Variants in KCNK2 observed in about 807,000 individuals in gnomAD.
KCNK2 encodes the protein potassium channel subfamily K member 2.
KCNK2 carries 21 observed loss-of-function variants against 40.5 expected under a neutral mutation model. The observed-to-expected ratio is 0.52, with a 90% CI of 0.37 to 0.75. The LOEUF is 0.75. KCNK2 is among the 30% of genes least tolerant of loss of function. The probability of loss-of-function intolerance (pLI) is 0.00; values close to 1 mark genes in which losing one functional copy is unlikely to be tolerated. For missense variants in KCNK2, 399 were observed against 531.6 expected (o/e 0.75, Z 2.45); for synonymous variants, 191 against 202.2 (o/e 0.94, Z 0.47).
chr1:215,130,741 G>A (rs1324483336), intron 3 of KCNK2, among the ~76,000 whole-genome samples: 1 of 152,178 alleles, frequency 6.6e-6, no homozygotes, highest in Non-Finnish European at 1.5e-5. Flanking sequence ...GCAGTGAGGA[G>A]GGTGAAAGGT....
chr1:215,111,432 A>G (rs940348305), intron 2 of KCNK2, among the ~76,000 whole-genome samples: 2 of 151,922 alleles, frequency 1.3e-5, no homozygotes, highest in African/African-American at 4.8e-5. Context: ...GGCTTTCTTT[A>G]CTCTTTTAAA....
chr1:215,082,829 C>G lies in KCNK2; in HGVS notation c.-557C>G, dbSNP rs938190633. Among the ~76,000 whole-genome samples the G allele has an allele frequency of 6.6e-6, 1 of 152,044 alleles. No homozygotes were observed. Among genetic ancestry groups the G allele is most frequent in the African/African-American group, 2.4e-5 (1 of 41,440 alleles). On this transcript the variant is annotated 5_prime_UTR_variant, in exon 1 of 7. Coordinates refer to ENST00000444842, the MANE Select transcript of KCNK2 (RefSeq NM_001017425.3). ...GGGCGCCCGGACCGTGCCACACACC[C>G]CCCGCGGGGCACGGAGGGCATTGCG...
At chr1:215,192,334 A>G (rs1664700409) in intron 5 of KCNK2, among the ~76,000 whole-genome samples, 1 of 152,072 alleles carries the variant, frequency 6.6e-6, no homozygotes, top group African/African-American at 2.4e-5. Context: ...AAGGAAAAGC[A>G]TTTTTTTCCC....
intron 6 of KCNK2, among the ~76,000 whole-genome samples, chr1:215,230,524 TATATATATGTATATATATAC>T (rs1666603772): frequency 1.1e-5 from 1 of 89,632 alleles, no homozygotes; most frequent in African/African-American, 5.6e-5. Flanking sequence ...TATATATATA[TATATATATGTATATATATAC>T]ACACACATAA....
chr1:215,059,675 C>T (rs1658302898), intron 1 of KCNK2, among the ~76,000 whole-genome samples: 1 of 151,922 alleles, frequency 6.6e-6, no homozygotes, highest in South Asian at 2.1e-4. Flanking sequence ...AAGGCCTGGC[C>T]CAACTAGATC....
chr1:215,235,162 C>A lies in KCNK2; in HGVS notation c.*17C>A. On this transcript the variant is annotated 3_prime_UTR_variant, in exon 7 of 7. Coordinates refer to ENST00000444842, the MANE Select transcript of KCNK2 (RefSeq NM_001017425.3). ...ATCAAATAGCCCTCTCTTTAAATAACCTTAGGCATAGCCATAGGTGAGGAC... is the reference window on the plus strand; with the variant it reads ...ATCAAATAGCCCTCTCTTTAAATAAACTTAGGCATAGCCATAGGTGAGGAC... The A allele has an allele frequency of 6.3e-7, 1 of 1,582,164 alleles. No homozygotes were observed. Among genetic ancestry groups the A allele is most frequent in the Non-Finnish European group, 8.6e-7 (1 of 1,157,800 alleles).
At chr1:215,095,627 T>A (rs554909434) in intron 2 of KCNK2, among the ~76,000 whole-genome samples, 2 of 152,186 alleles carry the variant, frequency 1.3e-5, no homozygotes. Context: ...AATGGCCTCT[T>A]TAGAAGCGAT....
chr1:215,182,954 G>A (rs548069231), intron 5 of KCNK2, among the ~76,000 whole-genome samples: 2 of 152,194 alleles, frequency 1.3e-5, no homozygotes, highest in African/African-American at 2.4e-5. Flanking sequence ...AGTCACAGAG[G>A]GAGGCTATCT....
chr1:215,121,490 G>T (rs1391194782), intron 2 of KCNK2, among the ~76,000 whole-genome samples: 1 of 152,040 alleles, frequency 6.6e-6, no homozygotes, highest in East Asian at 1.9e-4. Context: ...GCCCAGGCTG[G>T]TCTCCAACTC....
intron 3 of KCNK2, among the ~76,000 whole-genome samples, chr1:215,142,174 T>A (rs1465919468): frequency 1.3e-5 from 2 of 152,294 alleles, no homozygotes; most frequent in East Asian, 3.9e-4. Flanking sequence ...TTTACTCATC[T>A]CTTTTCCTAA....
At chr1:215,100,406 G>A (rs1194574401) in intron 2 of KCNK2, among the ~76,000 whole-genome samples, 1 of 151,918 alleles carries the variant, frequency 6.6e-6, no homozygotes, top group Non-Finnish European at 1.5e-5. Context: ...GCCATAGAGA[G>A]GCTTACAAAT....
chr1:215,028,738 T>C (rs1657083242), intron 1 of KCNK2, among the ~76,000 whole-genome samples: 1 of 152,166 alleles, frequency 6.6e-6, no homozygotes, highest in Admixed American at 6.5e-5. Flanking sequence ...GTGACTTATA[T>C]CTCATTAAGA....
rs905397472 is a variant in KCNK2 at position 215,012,807 on chromosome 1, C to T, written c.34+6852C>T. ...AGCCCTTTATTAGACTTGTGATTATCAGGTATTTTCATTAGGTTGTGTTTT... is the reference window on the plus strand; with the variant it reads ...AGCCCTTTATTAGACTTGTGATTATTAGGTATTTTCATTAGGTTGTGTTTT... On this transcript the variant is annotated intron_variant, in intron 1 of 6. Transcript: ENST00000391895. 2.0e-5 allele frequency among the ~76,000 whole-genome samples: 3 copies of T among 151,794 alleles called. No homozygotes were observed. In the East Asian group the frequency reaches 5.8e-4, roughly 29 times the overall value.
Position 215,022,976 on chromosome 1 carries a change from G to T in KCNK2, c.34+17021G>T, listed in dbSNP as rs562832193. Reference sequence around the variant, plus strand: ...GGGGTTAGAATCACATGGGTAAAAAGAATTACTAGAAATGGAAAGAAACAA... The same window carrying T: ...GGGGTTAGAATCACATGGGTAAAAATAATTACTAGAAATGGAAAGAAACAA... On this transcript the variant is annotated intron_variant, in intron 1 of 6. Coordinates refer to the KCNK2 transcript ENST00000391895. Among the ~76,000 whole-genome samples the T allele has an allele frequency of 9.6e-4, 146 of 152,164 alleles. 1 individual carries two copies. Among genetic ancestry groups the T allele is most frequent in the Non-Finnish European group, 1.5e-3 (103 of 68,004 alleles).
chr1:215,196,480 C>T (rs1664870601), intron 6 of KCNK2, among the ~76,000 whole-genome samples: 2 of 151,808 alleles, frequency 1.3e-5, no homozygotes, highest in South Asian at 4.1e-4. Context: ...ACCATATTTC[C>T]TAATTGGGAA....
At chr1:215,219,844 G>T (rs1666102544) in intron 6 of KCNK2, among the ~76,000 whole-genome samples, 1 of 152,076 alleles carries the variant, frequency 6.6e-6, no homozygotes, top group Non-Finnish European at 1.5e-5. Flanking sequence ...CTAAGGCTTG[G>T]CCACTGGGAG....
At chr1:215,184,843 A>G (rs1247000412) in intron 5 of KCNK2, among the ~76,000 whole-genome samples, 2 of 152,140 alleles carry the variant, frequency 1.3e-5, no homozygotes, top group African/African-American at 2.4e-5. Context: ...AACAGTGTCA[A>G]TTCAGTATGT....
At chr1:215,051,838 T>A (rs1245890828) in intron 1 of KCNK2, among the ~76,000 whole-genome samples, 1 of 152,168 alleles carries the variant, frequency 6.6e-6, no homozygotes, top group Non-Finnish European at 1.5e-5. Flanking sequence ...TTAGAACAGT[T>A]TATACTTTAA....
At chr1:215,031,477 T>A (rs1237489125) in intron 1 of KCNK2, among the ~76,000 whole-genome samples, 1 of 152,200 alleles carries the variant, frequency 6.6e-6, no homozygotes, top group African/African-American at 2.4e-5. Context: ...GGTGCTAATA[T>A]AAATAGTACA....
Sources: allele counts gnomAD v4.1 joint callset (sites outside exome capture counted in the v4.1 genomes callset), GRCh38; gene constraint gnomAD v4.1.1; transcripts MANE v1.5; gene names NCBI Gene and HGNC (gene_info 2026-07-23, HGNC 2026-07-21).